Variants in PPFIBP1 observed in about 807,000 individuals in gnomAD.
PPFIBP1 encodes the protein liprin-beta-1.
PPFIBP1 carries 112 observed loss-of-function variants against 137.8 expected under a neutral mutation model. The ratio of observed to expected loss-of-function variants is 0.81; its 90% CI spans 0.70 to 0.95. The LOEUF is 0.95. Ranked by LOEUF, PPFIBP1 falls within the 40% of genes least tolerant of loss-of-function variation. The pLI is 0.00. For missense variants in PPFIBP1, 1,083 were observed against 1,196.6 expected (o/e 0.91, Z 1.40); for synonymous variants, 378 against 417.3 (o/e 0.91, Z 1.15).
intron 2 of PPFIBP1, chr12:27,592,597 A>T (rs1432424817): frequency 2.5e-6 from 4 of 1,580,558 alleles, no homozygotes; most frequent in Non-Finnish European, 3.5e-6. Context: ...AGGGGAGAGG[A>T]TATGCTGCCT....
intron 2 of PPFIBP1, chr12:27,592,476 T>C: frequency 9.1e-7 from 1 of 1,099,822 alleles, no homozygotes; most frequent in Admixed American, 2.2e-5. Flanking sequence ...GATGTCCTAA[T>C]TCAAGGGTTT....
chr12:27,580,804 T>A (rs867326685), intron 2 of PPFIBP1, among the ~76,000 whole-genome samples: 1 of 152,208 alleles, frequency 6.6e-6, no homozygotes, highest in Non-Finnish European at 1.5e-5. Context: ...CTCTTGGTTG[T>A]CTGAACTGGT....
chr12:27,586,472 C>T (rs1216466667), intron 2 of PPFIBP1, among the ~76,000 whole-genome samples: 1 of 152,096 alleles, frequency 6.6e-6, no homozygotes, highest in Non-Finnish European at 1.5e-5. Flanking sequence ...CCAAGGTGGG[C>T]AGATCACTTG....
At chr12:27,562,989 G>A (rs1051183920) in intron 1 of PPFIBP1, among the ~76,000 whole-genome samples, 2 of 151,692 alleles carry the variant, frequency 1.3e-5, no homozygotes, top group African/African-American at 4.8e-5. Flanking sequence ...GTCTCCCCAC[G>A]CTGCCTGTCT....
chr12:27,591,029 T>G (rs2052446436), intron 2 of PPFIBP1, among the ~76,000 whole-genome samples: 1 of 152,138 alleles, frequency 6.6e-6, no homozygotes, highest in African/African-American at 2.4e-5. Flanking sequence ...TCACTCATAG[T>G]CTTTATAGTC....
At chr12:27,526,488 T>G (rs1226898133) in intron 1 of PPFIBP1, among the ~76,000 whole-genome samples, 1 of 152,174 alleles carries the variant, frequency 6.6e-6, no homozygotes, top group Non-Finnish European at 1.5e-5. Context: ...AGGATCAGTT[T>G]TTGGTTAAAT....
At chr12:27,648,258 C>T (rs569165824) in intron 6 of PPFIBP1, among the ~76,000 whole-genome samples, 1 of 152,248 alleles carries the variant, frequency 6.6e-6, no homozygotes, top group East Asian at 1.9e-4. Flanking sequence ...TGCTCAACAT[C>T]ATTGCTCATC....
chr12:27,651,189 G>T (rs2058854735), intron 7 of PPFIBP1, among the ~76,000 whole-genome samples: 1 of 151,970 alleles, frequency 6.6e-6, no homozygotes, highest in South Asian at 2.1e-4. Flanking sequence ...TTCTGTCAAA[G>T]ATTCAATTAC....
In PPFIBP1 at chr12:27,530,229, A is replaced by G. The variant is rs1002573144; in HGVS notation, c.-124+5864A>G. Among the ~76,000 whole-genome samples, 10 of 152,280 alleles carry G rather than the reference A, an allele frequency of 6.6e-5. No homozygotes were observed. The East Asian group carries it at 9.6e-4, about 15-fold the overall frequency. On this transcript the variant is annotated intron_variant, in intron 1 of 29. Coordinates refer to ENST00000228425, the MANE Select transcript of PPFIBP1 (RefSeq NM_003622.4). The stretch of plus-strand genomic sequence containing the variant: ...TTTGCATTGGAATTTGAATACATCT[A>G]CTTTTTCTTGTGAATGATGGAAGAG...
At chr12:27,646,238 T>A in intron 5 of PPFIBP1, 90 bp downstream of exon 5, 1 of 973,378 alleles carries the variant, frequency 1.0e-6, no homozygotes, top group Non-Finnish European at 1.6e-6. Flanking sequence ...CTTGCAGCAA[T>A]CAGACTGCTA....
intron 24 of PPFIBP1, among the ~76,000 whole-genome samples, chr12:27,686,821 G>C (rs1056191976): frequency 2.0e-5 from 3 of 151,776 alleles, no homozygotes. Context: ...GGGACTGCTT[G>C]AGCCTAGGAG....
At chr12:27,652,425 A>G (rs1341657846) in intron 7 of PPFIBP1, among the ~76,000 whole-genome samples, 1 of 152,224 alleles carries the variant, frequency 6.6e-6, no homozygotes, top group Non-Finnish European at 1.5e-5. Flanking sequence ...AAGGGAAAAG[A>G]GAAAGGGAAC....
At position 27,679,538 on chromosome 12, in the gene PPFIBP1, T is replaced by G; in HGVS notation, c.1665T>G (p.Ser555=). 1 of 1,614,060 alleles carries G rather than the reference T, an allele frequency of 6.2e-7. No individual in the cohort carries two copies. ...AGCACCTAGATCTGGCTGGTGCTTC[T>G]TCTCGGCCAAAAGATTCACAGAGGA... ...TAEHLDLAGA[S]SRPKDSQRNS... The change falls in exon 20 of 30, where the codon TCT becomes TCG. Residue 555 remains serine (S), a synonymous_variant. Transcript: ENST00000228425.
chr12:27,659,318 C>T (rs986330711), intron 10 of PPFIBP1, among the ~76,000 whole-genome samples: 47 of 152,102 alleles, frequency 3.1e-4, no homozygotes, highest in African/African-American at 1.1e-3. Flanking sequence ...AGATTGAATC[C>T]AGCTGATTCA....
chr12:27,555,895 T>G (rs967126603), intron 1 of PPFIBP1, among the ~76,000 whole-genome samples: 1 of 152,192 alleles, frequency 6.6e-6, no homozygotes, highest in Non-Finnish European at 1.5e-5. Context: ...GAAAGAGACT[T>G]TGCATAAAAA....
intron 13 of PPFIBP1, among the ~76,000 whole-genome samples, chr12:27,671,224 A>T (rs1346930078): frequency 6.6e-6 from 1 of 152,242 alleles, no homozygotes; most frequent in Non-Finnish European, 1.5e-5. Flanking sequence ...GAACCAAGTT[A>T]AAAAGTTTCC....
intron 13 of PPFIBP1, among the ~76,000 whole-genome samples, chr12:27,670,795 A>ATAATAATG (rs1314701017): frequency 2.7e-5 from 4 of 147,446 alleles, no homozygotes; most frequent in African/African-American, 1.0e-4. Flanking sequence ...AAAAAAAAAA[A>ATAATAATG]ATAATAATAA....
intron 1 of PPFIBP1, among the ~76,000 whole-genome samples, chr12:27,555,183 C>G (rs892634246): frequency 6.6e-6 from 1 of 152,118 alleles, no homozygotes; most frequent in Admixed American, 6.5e-5. Flanking sequence ...GCTCAGGTCC[C>G]CTTCGACAAT....
In PPFIBP1 at chr12:27,688,384, G is replaced by T. The variant is rs746681298; in HGVS notation, c.2457G>T (p.Ala819=). 1 of 1,614,088 alleles carries T rather than the reference G, an allele frequency of 6.2e-7. No homozygotes were observed. The highest frequency in any genetic ancestry group is 8.5e-7 in the Non-Finnish European group (1 of 1,179,992). The change falls in exon 26 of 30, where the codon GCG becomes GCT. Residue 819 remains alanine (A), a synonymous_variant. Transcript: ENST00000228425. ...GCTCCGTGGACTTGGCAGAATATGC[G>T]CCCAATCTCAGAGGCAGTGGTGTCC... ...WLRSVDLAEY[A]PNLRGSGVHG...
Sources: gnomAD v4.1 joint callset for allele counts (sites outside exome capture counted in the v4.1 genomes callset) on GRCh38, gnomAD v4.1.1 for gene constraint, MANE v1.5 for transcripts, NCBI Gene and HGNC (gene_info 2026-07-23, HGNC 2026-07-21) for gene names.